Variants in SDK1 observed in about 807,000 individuals in gnomAD.
The protein encoded by SDK1 is sidekick cell adhesion molecule 1, also known as protein sidekick-1.
A neutral mutation model predicts 245.5 loss-of-function variants in SDK1; 157 were observed. The observed-to-expected ratio is 0.64, with a 90% CI of 0.56 to 0.73. The LOEUF (loss-of-function observed/expected upper bound fraction) is 0.73. Ranked by LOEUF, SDK1 falls within the 30% of genes least tolerant of loss-of-function variation. The probability of loss-of-function intolerance (pLI) is 0.00; values close to 1 mark genes in which losing one functional copy is unlikely to be tolerated. For missense variants in SDK1, 3,583 were observed against 3,002.3 expected (o/e 1.19, Z -4.52); for synonymous variants, 1,647 against 1,278.5 (o/e 1.29, Z -6.15).
At chr7:3,965,578 G>A (rs1254156103) in intron 9 of SDK1, among the ~76,000 whole-genome samples, 1 of 152,134 alleles carries the variant, frequency 6.6e-6, no homozygotes, top group Non-Finnish European at 1.5e-5. Flanking sequence ...TTTAGCAAGC[G>A]GCTGCTGAGC....
intron 33 of SDK1, among the ~76,000 whole-genome samples, chr7:4,174,886 G>A (rs961978011): frequency 4.6e-5 from 7 of 152,194 alleles, no homozygotes; most frequent in Non-Finnish European, 7.4e-5. Context: ...TGCCCTGCCC[G>A]TTCCCACCCC....
chr7:4,266,827 C>T lies in SDK1; in HGVS notation c.*1443C>T. 4.1e-6 allele frequency: 4 copies of T among 985,574 alleles called. No homozygotes were observed. The highest frequency in any genetic ancestry group is 4.8e-6 in the Non-Finnish European group (4 of 830,044). The allele number at this position is 985,574 out of a possible 1,614,324, so 61.1% of individuals were successfully genotyped here. On this transcript the variant is annotated 3_prime_UTR_variant, in exon 45 of 45. Transcript: ENST00000404826. ...CCTGTAAGTGCCCCCTCACCAGCAG[C>T]AGCGTGACACACACAAGACTCAAGA...
chr7:3,658,972 C>T (rs1410579669), intron 4 of SDK1, among the ~76,000 whole-genome samples: 1 of 152,102 alleles, frequency 6.6e-6, no homozygotes, highest in East Asian at 1.9e-4. Context: ...ACCCTGTACC[C>T]CTTGGCAGTC....
In SDK1 at chr7:4,159,441, G is replaced by T. The variant is rs565644294; in HGVS notation, c.4729+890G>T. Among the ~76,000 whole-genome samples the T allele has an allele frequency of 1.5e-4, 23 of 152,316 alleles. No individual in the cohort carries two copies. The South Asian group carries it at 4.6e-3, about 30-fold the overall frequency. On this transcript the variant is annotated intron_variant, in intron 31 of 44. Transcript: ENST00000404826. ...CAAACCCTGCACTCCCAGCAGAGCA[G>T]AACCTGCAAGAGCCTCCAACAGGCC...
intron 1 of SDK1, among the ~76,000 whole-genome samples, chr7:3,583,784 C>A (rs976957934): frequency 2.0e-5 from 3 of 152,062 alleles, no homozygotes; most frequent in Non-Finnish European, 4.4e-5. Flanking sequence ...GTGAATGCCA[C>A]CGAGAGGGCG....
In SDK1 at chr7:3,403,824, CATATATATATATATATATATATATATAT is replaced by C. The variant is rs10650660; in HGVS notation, c.298+101958_298+101985del. 6.5e-3 allele frequency among the ~76,000 whole-genome samples: 397 copies of C among 60,746 alleles called. 21 individuals are homozygous for C. In the East Asian group the frequency reaches 0.14, roughly 21 times the overall value. The allele number at this position is 60,746 out of a possible 152,430, so 39.9% of individuals were successfully genotyped here. On this transcript the variant is annotated intron_variant, in intron 1 of 44. Coordinates refer to ENST00000404826, the MANE Select transcript of SDK1 (RefSeq NM_152744.4). Reference sequence around the variant, plus strand: ...CATTACAGGGATTTGAAATATCTTACATATATATATATATATATATATATATATATATATATATATATATAATATATAT... The same window carrying C: ...CATTACAGGGATTTGAAATATCTTACATATATATATATATATAATATATAT...
In SDK1 at chr7:4,180,586, C is replaced by T. The variant is rs185555517; in HGVS notation, c.5098+2000C>T. Among the ~76,000 whole-genome samples the T allele has an allele frequency of 6.5e-3, 996 of 152,344 alleles. 8 individuals carry two copies. The highest frequency in any genetic ancestry group is 0.023 in the African/African-American group (943 of 41,576). The stretch of plus-strand genomic sequence containing the variant: ...GTTCTAGGGTCTGCGCTGTTGGTGT[C>T]TTAGTTCCTTCTCACACTGCTGTAA... On this transcript the variant is annotated intron_variant, in intron 35 of 44. Transcript: ENST00000404826.
chr7:4,061,912 C>T (rs1469771448), intron 19 of SDK1, among the ~76,000 whole-genome samples: 1 of 140,088 alleles, frequency 7.1e-6, no homozygotes, highest in Non-Finnish European at 1.5e-5. Context: ...TATTCTCACT[C>T]ATAGGTGGGA....
intron 4 of SDK1, among the ~76,000 whole-genome samples, chr7:3,654,671 G>C (rs1037457971): frequency 7.9e-5 from 12 of 152,146 alleles, no homozygotes; most frequent in Non-Finnish European, 1.6e-4. Flanking sequence ...TCAGGAGAAA[G>C]GGCACATCAC....
At chr7:3,626,073 A>G (rs1782110715) in intron 2 of SDK1, among the ~76,000 whole-genome samples, 1 of 150,592 alleles carries the variant, frequency 6.6e-6, no homozygotes, top group Admixed American at 6.6e-5. Flanking sequence ...CCTCCCTAGT[A>G]GCTGGGATCA....
At chr7:3,627,050 C>A (rs1235649377) in intron 2 of SDK1, among the ~76,000 whole-genome samples, 2 of 152,090 alleles carry the variant, frequency 1.3e-5, no homozygotes, top group East Asian at 3.9e-4. Flanking sequence ...ACCTCAGCTT[C>A]CCACGTAGCT....
chr7:3,858,689 A>T (rs1247309274), intron 5 of SDK1, among the ~76,000 whole-genome samples: 1 of 151,838 alleles, frequency 6.6e-6, no homozygotes, highest in African/African-American at 2.4e-5. Flanking sequence ...TACAAGCTTT[A>T]AAAGTAAGCA....
Position 4,124,411 on chromosome 7 carries a change from C to T in SDK1, c.3824-2970C>T, listed in dbSNP as rs1157932171. On this transcript the variant is annotated intron_variant, in intron 25 of 44. Transcript: ENST00000404826. ...GCTCGGACAGCCTCTCTCCCATGTCCCCACAGAGTTCTCCCTGTGTGTGTC... is the reference window on the plus strand; with the variant it reads ...GCTCGGACAGCCTCTCTCCCATGTCTCCACAGAGTTCTCCCTGTGTGTGTC... Among the ~76,000 whole-genome samples, 9 of 152,276 alleles carry T rather than the reference C, an allele frequency of 5.9e-5. No individual in the cohort carries two copies. In the East Asian group the frequency reaches 1.7e-3, roughly 29 times the overall value.
At chr7:3,899,487 G>A (rs1420242971) in intron 5 of SDK1, among the ~76,000 whole-genome samples, 2 of 152,254 alleles carry the variant, frequency 1.3e-5, no homozygotes, top group Non-Finnish European at 2.9e-5. Flanking sequence ...GGGGAGCAGT[G>A]TGGCTGCCCT....
intron 1 of SDK1, 71 bp downstream of exon 1, chr7:3,301,955 AGT>A (rs1461694971): frequency 9.6e-7 from 1 of 1,041,410 alleles, no homozygotes; most frequent in Non-Finnish European, 1.2e-6. Flanking sequence ...GAGCAGCGAG[AGT>A]GTGTCCGGGG....
chr7:3,793,489 G>C (rs1045938080), intron 4 of SDK1, among the ~76,000 whole-genome samples: 9 of 152,222 alleles, frequency 5.9e-5, no homozygotes, highest in Admixed American at 5.9e-4. Context: ...AGGCTTCCTC[G>C]TGCCTTAGAT....
At chr7:3,547,098 C>T (rs1779247788) in intron 1 of SDK1, among the ~76,000 whole-genome samples, 1 of 152,126 alleles carries the variant, frequency 6.6e-6, no homozygotes, top group Admixed American at 6.5e-5. Flanking sequence ...ACCTTGTCTA[C>T]ACTTAGAGTT....
intron 40 of SDK1, among the ~76,000 whole-genome samples, chr7:4,229,258 G>A (rs1282584937): frequency 2.6e-5 from 4 of 152,148 alleles, no homozygotes; most frequent in African/African-American, 9.7e-5. Flanking sequence ...TGATCGTGGT[G>A]TAAATATTAG....
At chr7:3,393,783 C>T (rs1781822402) in intron 1 of SDK1, among the ~76,000 whole-genome samples, 1 of 152,112 alleles carries the variant, frequency 6.6e-6, no homozygotes, top group African/African-American at 2.4e-5. Flanking sequence ...TTCTTCAAAA[C>T]AGCTATTTTG....
Sources: gnomAD v4.1 joint callset for allele counts (sites outside exome capture counted in the v4.1 genomes callset) on GRCh38, gnomAD v4.1.1 for gene constraint, MANE v1.5 for transcripts, NCBI Gene and HGNC (gene_info 2026-07-23, HGNC 2026-07-21) for gene names.